Variants in B3GALT1 observed in about 807,000 individuals in gnomAD.
B3GALT1 encodes the protein UDP-Gal:betaGlcNAc beta 1,3-galactosyltransferase, polypeptide 1.
Under a neutral mutation model 23.2 loss-of-function variants are expected in B3GALT1, and 10 were observed. That is an observed-to-expected ratio of 0.43 (90% CI 0.27 to 0.73). The LOEUF is 0.73. Ranked by LOEUF, B3GALT1 falls within the 30% of genes least tolerant of loss-of-function variation. B3GALT1 has a pLI of 0.21. For synonymous variants in B3GALT1, 156 were observed against 141.5 expected (o/e 1.10, Z -0.73); for missense variants, 299 against 405.4 (o/e 0.74, Z 2.25).
intron 3 of B3GALT1, among the ~76,000 whole-genome samples, chr2:167,765,705 A>G (rs1391614416): frequency 6.6e-6 from 1 of 152,240 alleles, no homozygotes; most frequent in Admixed American, 6.5e-5. Flanking sequence ...ACTATAAAAT[A>G]CGTAGACATA....
At chr2:167,530,487 A>G (rs73026007) in intron 2 of B3GALT1, among the ~76,000 whole-genome samples, 3,440 of 152,304 alleles carry the variant, frequency 0.023, 53 homozygotes, top group African/African-American at 0.041. Flanking sequence ...TGCAGTATAT[A>G]CATGCTGCTG....
intron 2 of B3GALT1, among the ~76,000 whole-genome samples, chr2:167,500,551 G>T (rs1169822779): frequency 6.6e-6 from 1 of 151,806 alleles, no homozygotes; most frequent in Non-Finnish European, 1.5e-5. Flanking sequence ...CAGATTTTCT[G>T]GTTATGTTCT....
chr2:167,727,417 C>T (rs868325784), intron 3 of B3GALT1, among the ~76,000 whole-genome samples: 8 of 152,086 alleles, frequency 5.3e-5, no homozygotes, highest in Non-Finnish European at 1.2e-4. Context: ...GCATTGGCTC[C>T]TAGGATTAGA....
chr2:167,774,494 TTTG>T, intron 3 of B3GALT1, among the ~76,000 whole-genome samples: 8 of 83,146 alleles, frequency 9.6e-5, no homozygotes, highest in South Asian at 4.1e-4. Flanking sequence ...TGTTTTTTTT[TTTG>T]TTTTTTTTTT....
chr2:167,778,887 T>C (rs940955805), intron 3 of B3GALT1, among the ~76,000 whole-genome samples: 2 of 152,226 alleles, frequency 1.3e-5, no homozygotes, highest in East Asian at 1.9e-4. Flanking sequence ...ACAGAGCAAC[T>C]GTCAGACCTC....
chr2:167,416,318 T>C (rs1244564141), intron 1 of B3GALT1, among the ~76,000 whole-genome samples: 1 of 152,172 alleles, frequency 6.6e-6, no homozygotes, highest in African/African-American at 2.4e-5. Flanking sequence ...GTGGCTCAAG[T>C]GGCCTCAGAC....
At chr2:167,658,789 A>C (rs1033861117) in intron 3 of B3GALT1, among the ~76,000 whole-genome samples, 1 of 152,116 alleles carries the variant, frequency 6.6e-6, no homozygotes, top group African/African-American at 2.4e-5. Flanking sequence ...TATAGTGTAC[A>C]ATATGACATA....
At chr2:167,731,900 A>T (rs915186571) in intron 3 of B3GALT1, among the ~76,000 whole-genome samples, 1 of 152,168 alleles carries the variant, frequency 6.6e-6, no homozygotes, top group South Asian at 2.1e-4. Flanking sequence ...CTTTTCCAAG[A>T]TACTGTTTTT....
chr2:167,650,314 A>G (rs534775308), intron 3 of B3GALT1, among the ~76,000 whole-genome samples: 31 of 148,792 alleles, frequency 2.1e-4, no homozygotes, highest in South Asian at 8.4e-4. Flanking sequence ...ATATATATAT[A>G]TGTGTGTGTG....
rs186500631 is a variant in B3GALT1 at position 167,698,419 on chromosome 2, G to A, written c.-352+51453G>A. On this transcript the variant is annotated intron_variant, in intron 3 of 4. Transcript: ENST00000392690. ...GTGTTAATGGATTTAAATGAAAAAA[G>A]ATGTAAAAAATGGAGATTAGAGATT... Among the ~76,000 whole-genome samples, 84 of 152,208 alleles carry A rather than the reference G, an allele frequency of 5.5e-4. 3 individuals are homozygous for A. In the East Asian group the frequency reaches 0.015, roughly 28 times the overall value.
intron 1 of B3GALT1, among the ~76,000 whole-genome samples, chr2:167,469,641 C>G (rs1004209193): frequency 6.6e-6 from 1 of 152,078 alleles, no homozygotes; most frequent in Admixed American, 6.6e-5. Flanking sequence ...CTACCAAATA[C>G]TTATGATTGT....
chr2:167,470,118 T>A lies in B3GALT1; in HGVS notation c.-510-20059T>A, dbSNP rs1206918441. The stretch of plus-strand genomic sequence containing the variant: ...CTAGTACCAAGGGCTCAGCAGTGCA[T>A]CTCACCAGCTTCAAACCCCATGTCT... On this transcript the variant is annotated intron_variant, in intron 1 of 4. Transcript: ENST00000392690. Among the ~76,000 whole-genome samples, 5 of 152,250 alleles carry A rather than the reference T, an allele frequency of 3.3e-5. No homozygotes were observed. In the East Asian group the frequency reaches 9.7e-4, roughly 29 times the overall value.
chr2:167,654,212 G>A (rs1259492680), intron 3 of B3GALT1, among the ~76,000 whole-genome samples: 5 of 152,230 alleles, frequency 3.3e-5, no homozygotes, highest in Admixed American at 6.5e-5. Flanking sequence ...GATTAAATGA[G>A]CTAATACTCA....
chr2:167,372,053 C>T (rs529660453), intron 1 of B3GALT1, among the ~76,000 whole-genome samples: 6 of 151,674 alleles, frequency 4.0e-5, no homozygotes, highest in Non-Finnish European at 8.8e-5. Context: ...AAAATATTTT[C>T]ACAATGTCTA....
chr2:167,839,290 G>A (rs1166571728), intron 4 of B3GALT1, among the ~76,000 whole-genome samples: 1 of 151,526 alleles, frequency 6.6e-6, no homozygotes, highest in Non-Finnish European at 1.5e-5. Flanking sequence ...CATTGTCTCA[G>A]CCCAAAATCT....
intron 1 of B3GALT1, among the ~76,000 whole-genome samples, chr2:167,337,871 A>C (rs1379868823): frequency 6.6e-6 from 1 of 152,170 alleles, no homozygotes; most frequent in Non-Finnish European, 1.5e-5. Flanking sequence ...AAGAATAATC[A>C]ATATTATTAC....
chr2:167,789,075 T>C (rs1322420901), intron 3 of B3GALT1, among the ~76,000 whole-genome samples: 1 of 152,170 alleles, frequency 6.6e-6, no homozygotes, highest in Non-Finnish European at 1.5e-5. Context: ...AGCTAAAGAC[T>C]TCCCTGACAT....
chr2:167,678,446 G>A (rs1416204927), intron 3 of B3GALT1, among the ~76,000 whole-genome samples: 1 of 151,606 alleles, frequency 6.6e-6, no homozygotes, highest in Non-Finnish European at 1.5e-5. Context: ...AGCTTAAGTA[G>A]TCTGCCTGAT....
intron 1 of B3GALT1, among the ~76,000 whole-genome samples, chr2:167,366,249 GA>G (rs1449375027): frequency 6.6e-6 from 1 of 152,050 alleles, no homozygotes; most frequent in African/African-American, 2.4e-5. Flanking sequence ...GTATATTGAT[GA>G]AAAAAATTAA....
Sources: allele counts gnomAD v4.1 joint callset (sites outside exome capture counted in the v4.1 genomes callset), GRCh38; gene constraint gnomAD v4.1.1; transcripts MANE v1.5; gene names NCBI Gene and HGNC (gene_info 2026-07-23, HGNC 2026-07-21).